FRMD4B: variants seen among roughly 807,000 people sequenced by gnomAD.
FRMD4B encodes FERM domain containing 4B.
In FRMD4B, 74 loss-of-function variants were observed where a neutral mutation model predicts 141.5. The observed-to-expected ratio is 0.52, with a 90% CI of 0.43 to 0.63. The LOEUF is 0.63. Ranked by LOEUF, FRMD4B falls within the 30% of genes least tolerant of loss-of-function variation. The pLI is 0.00. For synonymous variants in FRMD4B, 506 were observed against 467.9 expected (o/e 1.08, Z -1.05); for missense variants, 1,366 against 1,253.4 (o/e 1.09, Z -1.36).
At chr3:69,196,792 C>G (rs567245175) in intron 13 of FRMD4B, 108 bp downstream of exon 13, 7 of 827,264 alleles carry the variant, frequency 8.5e-6, no homozygotes, top group Non-Finnish European at 1.1e-5. Context: ...GCAAAAAAAT[C>G]TCAGAGAGCA....
At chr3:69,292,593 T>A (rs1700907024) in intron 4 of FRMD4B, among the ~76,000 whole-genome samples, 1 of 152,170 alleles carries the variant, frequency 6.6e-6, no homozygotes. Context: ...TGCCTAGGCA[T>A]CAGATTACCA....
At chr3:69,516,113 T>C (rs539487281) in intron 1 of FRMD4B, among the ~76,000 whole-genome samples, 1 of 152,140 alleles carries the variant, frequency 6.6e-6, no homozygotes, top group East Asian at 1.9e-4. Context: ...TAGTCCCAAC[T>C]ACTCAGGAGG....
At chr3:69,522,343 T>C (rs1700866583) in intron 1 of FRMD4B, among the ~76,000 whole-genome samples, 1 of 151,800 alleles carries the variant, frequency 6.6e-6, no homozygotes. Flanking sequence ...AGATCTTCTC[T>C]ATCCAGAAGT....
intron 5 of FRMD4B, among the ~76,000 whole-genome samples, chr3:69,271,816 T>C (rs2093595692): frequency 6.6e-6 from 1 of 151,540 alleles, no homozygotes; most frequent in Admixed American, 6.6e-5. Flanking sequence ...CTACCAAAAG[T>C]ACAAAAAAAT....
chr3:69,504,299 C>CT (rs1706556719), intron 1 of FRMD4B, among the ~76,000 whole-genome samples: 2 of 152,060 alleles, frequency 1.3e-5, no homozygotes, highest in African/African-American at 2.4e-5. Flanking sequence ...GGGATGAATA[C>CT]TTTTTTTAAC....
intron 2 of FRMD4B, among the ~76,000 whole-genome samples, chr3:69,432,061 C>T (rs75270730): frequency 0.026 from 3,969 of 152,204 alleles, 143 homozygotes; most frequent in East Asian, 0.09. Context: ...AATATTCCAT[C>T]CCCCTCTTAT....
chr3:69,394,837 TA>T (rs1464274888), intron 2 of FRMD4B, among the ~76,000 whole-genome samples: 1 of 152,052 alleles, frequency 6.6e-6, no homozygotes, highest in Non-Finnish European at 1.5e-5. Context: ...TATGCAGTCA[TA>T]AAAAAGAGTG....
chr3:69,192,104 G>A (rs1016717792), intron 17 of FRMD4B, among the ~76,000 whole-genome samples: 1 of 152,102 alleles, frequency 6.6e-6, no homozygotes, highest in Non-Finnish European at 1.5e-5. Context: ...CTAACCCAAG[G>A]CTGGGCGTGG....
intron 7 of FRMD4B, among the ~76,000 whole-genome samples, chr3:69,229,709 T>C (rs929807290): frequency 6.6e-6 from 1 of 152,182 alleles, no homozygotes; most frequent in Non-Finnish European, 1.5e-5. Flanking sequence ...AATTAAATCC[T>C]CAATTAATTA....
At chr3:69,499,972 T>G (rs997780541) in intron 1 of FRMD4B, among the ~76,000 whole-genome samples, 4 of 152,258 alleles carry the variant, frequency 2.6e-5, no homozygotes, top group African/African-American at 9.6e-5. Context: ...TCTGTGTACA[T>G]GCACTGACAA....
intron 1 of FRMD4B, among the ~76,000 whole-genome samples, chr3:69,325,713 TA>T (rs913972171): frequency 1.4e-4 from 21 of 152,336 alleles, no homozygotes; most frequent in African/African-American, 5.0e-4. Flanking sequence ...GAACTGATTA[TA>T]AACTCTACCT....
At chr3:69,254,388 C>T (rs1261889681) in intron 5 of FRMD4B, among the ~76,000 whole-genome samples, 2 of 152,078 alleles carry the variant, frequency 1.3e-5, no homozygotes, top group Non-Finnish European at 2.9e-5. Flanking sequence ...AGATTACAGG[C>T]GTGAGCCACC....
At chr3:69,182,937 A>T (rs764900550) in intron 19 of FRMD4B, among the ~76,000 whole-genome samples, 1 of 152,110 alleles carries the variant, frequency 6.6e-6, no homozygotes, top group Non-Finnish European at 1.5e-5. Context: ...ATATGTAGGG[A>T]AAAAAAGGAC....
chr3:69,518,613 T>G (rs9863502), intron 1 of FRMD4B, among the ~76,000 whole-genome samples: 14 of 152,172 alleles, frequency 9.2e-5, no homozygotes, highest in African/African-American at 3.1e-4. Context: ...CACCTGGTGT[T>G]ATCTACCCTT....
intron 7 of FRMD4B, among the ~76,000 whole-genome samples, chr3:69,245,355 T>TGTGTG (rs1350634069): frequency 1.4e-3 from 201 of 147,308 alleles, no homozygotes; most frequent in African/African-American, 4.9e-3. Flanking sequence ...GTGTGTGTGT[T>TGTGTG]TTTAGACAGA....
chr3:69,505,471 A>C (rs1327226523), intron 1 of FRMD4B, among the ~76,000 whole-genome samples: 1 of 152,226 alleles, frequency 6.6e-6, no homozygotes, highest in Non-Finnish European at 1.5e-5. Context: ...AGCCCCCTTA[A>C]GTGTGACATT....
intron 14 of FRMD4B, among the ~76,000 whole-genome samples, chr3:69,196,021 C>G (rs1000117910): frequency 2.4e-4 from 36 of 152,180 alleles, no homozygotes; most frequent in African/African-American, 8.4e-4. Context: ...CACCTTGGTA[C>G]TCACCATCCT....
intron 21 of FRMD4B, among the ~76,000 whole-genome samples, chr3:69,179,051 T>C (rs2092678658): frequency 6.6e-6 from 1 of 151,832 alleles, no homozygotes; most frequent in Non-Finnish European, 1.5e-5. Flanking sequence ...CTGCCTGTTG[T>C]AATACATTTC....
intron 7 of FRMD4B, among the ~76,000 whole-genome samples, chr3:69,243,558 G>C (rs1407651736): frequency 6.6e-6 from 1 of 152,196 alleles, no homozygotes; most frequent in African/African-American, 2.4e-5. Flanking sequence ...AATAAACAAT[G>C]ATCAAATCTA....
Sources: gnomAD v4.1 joint callset for allele counts (sites outside exome capture counted in the v4.1 genomes callset) on GRCh38, gnomAD v4.1.1 for gene constraint, MANE v1.5 for transcripts, NCBI Gene and HGNC (gene_info 2026-07-23, HGNC 2026-07-21) for gene names.